The following TRIM13 variants were observed in gnomAD, a reference collection of about 807,000 sequenced individuals.
TRIM13 encodes tripartite motif containing 13.
A neutral mutation model predicts 27.1 loss-of-function variants in TRIM13; 15 were observed. The observed-to-expected ratio is 0.55, with a 90% CI of 0.37 to 0.85. The LOEUF (loss-of-function observed/expected upper bound fraction) is 0.85, where lower values mean the gene tolerates loss of function less well. TRIM13 is among the 40% of genes least tolerant of loss of function. TRIM13 has a pLI of 0.00. For synonymous variants in TRIM13, 193 were observed against 171.5 expected, an observed-to-expected ratio of 1.13 and a Z score of -0.98; for missense variants, 402 against 472.2, an observed-to-expected ratio of 0.85 and a Z score of 1.38.
At position 50,015,571 on chromosome 13, in the gene TRIM13, T is replaced by G. The variant is rs764861264; in HGVS notation, c.*2407T>G. ...CAAGGTTTTCTACGATAAAGCAGTT[T>G]CCTGCTTCTCGTTTGGCACGCATGT... On this transcript the variant is annotated 3_prime_UTR_variant, in exon 2 of 2. Coordinates refer to ENST00000378182, the MANE Select transcript of TRIM13 (RefSeq NM_213590.3). 2 of 1,614,094 alleles carry G rather than the reference T, an allele frequency of 1.2e-6. No individual in the cohort carries two copies. The highest frequency in any genetic ancestry group is 1.7e-5 in the Admixed American group (1 of 60,024).
chr13:50,015,591 G>T lies in TRIM13; in HGVS notation c.*2427G>T. 3 of 1,614,070 alleles carry T rather than the reference G, an allele frequency of 1.9e-6. No homozygotes were observed. The Admixed American group carries it at 5.0e-5, about 27-fold the overall frequency. On this transcript the variant is annotated 3_prime_UTR_variant, in exon 2 of 2. Transcript: ENST00000378182. ...CAGTTTCCTGCTTCTCGTTTGGCAC[G>T]CATGTTAGATGGCAGAGACCAAGAA... is the stretch of plus-strand genomic sequence containing the variant.
intron 1 of TRIM13, among the ~76,000 whole-genome samples, chr13:50,009,419 G>A (rs1336288160): frequency 2.0e-5 from 3 of 151,996 alleles, no homozygotes; most frequent in African/African-American, 7.2e-5. Flanking sequence ...ACCTGCCTGG[G>A]CAACATAGTG....
chr13:49,997,077 G>C lies in TRIM13; in HGVS notation c.-693G>C, dbSNP rs1378091894. On this transcript the variant is annotated 5_prime_UTR_variant, in exon 1 of 2. Transcript: ENST00000378182. ...TGGGGCTGTGCTTGGCGCGTACCGT[G>C]CGGTCCCTGTAGTTGGAGGACGGGC... 1 of 151,928 alleles carries C rather than the reference G, an allele frequency of 6.6e-6. No individual in the cohort carries two copies. The highest frequency in any genetic ancestry group is 2.4e-5 in the African/African-American group (1 of 41,318). 9.4% of individuals were successfully genotyped at this position (151,928 alleles called of 1,614,324 possible).
rs1392608028 is a variant in TRIM13, at chr13:50,015,091, AAAAATATATATATATATATATATATAT to A, written c.*1929_*1955del. On this transcript the variant is annotated 3_prime_UTR_variant, in exon 2 of 2. Coordinates refer to ENST00000378182, the MANE Select transcript of TRIM13 (RefSeq NM_213590.3). ...TCCCAGTAATAAAAAAAAAAAAAAA[AAAAATATATATATATATATATATATAT>A]ATATATATATATATATATATATATA... The A allele has an allele frequency of 2.4e-3, 70 of 29,066 alleles. 8 individuals carry two copies. The highest frequency in any genetic ancestry group is 0.017 in the Middle Eastern group (1 of 60). 1.8% of individuals were successfully genotyped at this position (29,066 alleles called of 1,614,324 possible). A position where few individuals can be genotyped will look rare whatever the true frequency, so the allele number is the denominator to read the frequency against.
In TRIM13 at chr13:50,017,148, A is replaced by G. The variant is rs1377258404; in HGVS notation, c.*3984A>G. 6.0e-6 allele frequency: 1 copy of G among 167,030 alleles called. No individual in the cohort carries two copies. The allele number at this position is 167,030 out of a possible 1,614,324, so 10.3% of individuals were successfully genotyped here. A position where few individuals can be genotyped will look rare whatever the true frequency, so the allele number is the denominator to read the frequency against. ...GAAGAAAATCTAATACCTTATCTTT[A>G]TCTCAAACCTCTGTACAACTTTATT... On this transcript the variant is annotated 3_prime_UTR_variant, in exon 2 of 2. Transcript: ENST00000378182.
At chr13:50,011,619 A>G (rs564549676) in intron 1 of TRIM13, among the ~76,000 whole-genome samples, 1 of 152,328 alleles carries the variant, frequency 6.6e-6, no homozygotes, top group East Asian at 1.9e-4. Context: ...CTCTGTTTTA[A>G]AACAATTGCT....
chr13:50,008,251 GTTA>G (rs765121814), intron 1 of TRIM13, among the ~76,000 whole-genome samples: 1 of 152,144 alleles, frequency 6.6e-6, no homozygotes, highest in Non-Finnish European at 1.5e-5. Context: ...TAAGTCATAT[GTTA>G]TTGTTGATAA....
chr13:50,016,295 G>A lies in TRIM13; in HGVS notation c.*3131G>A. The A allele has an allele frequency of 2.2e-6, 1 of 463,486 alleles. No individual in the cohort carries two copies. Among genetic ancestry groups the A allele is most frequent in the Non-Finnish European group, 4.0e-6 (1 of 253,068 alleles). 28.7% of individuals were successfully genotyped at this position (463,486 alleles called of 1,614,324 possible). On this transcript the variant is annotated 3_prime_UTR_variant, in exon 2 of 2. Coordinates refer to ENST00000378182, the MANE Select transcript of TRIM13 (RefSeq NM_213590.3). ...ATTAGGTGGGACAAAAGGAATAAAT[G>A]AAGACTGCCCAGAAAAAACTGAGAC...
At position 50,017,704 on chromosome 13, in the gene TRIM13, G is replaced by A. The variant is rs1039565792; in HGVS notation, c.*4540G>A. 1 of 166,958 alleles carries A rather than the reference G, an allele frequency of 6.0e-6. No individual in the cohort carries two copies. 10.3% of individuals were successfully genotyped at this position (166,958 alleles called of 1,614,324 possible). A position where few individuals can be genotyped will look rare whatever the true frequency, so the allele number is the denominator to read the frequency against. The stretch of plus-strand genomic sequence containing the variant: ...CCAATCTGAATACGGTGAAATTATG[G>A]GGATCTCTGGTGATTGGGATGAAAA... On this transcript the variant is annotated 3_prime_UTR_variant, in exon 2 of 2. Transcript: ENST00000378182.
chr13:50,012,037 T>G lies in TRIM13; in HGVS notation c.97T>G (p.Cys33Gly), dbSNP rs149305008. 5.6e-6 allele frequency: 9 copies of G among 1,614,006 alleles called. No homozygotes were observed. The highest frequency in any genetic ancestry group is 1.3e-5 in the African/African-American group (1 of 74,922). ...TTGCTCCCACAACTTCTGCAAAAAA[T>G]GCTTAGAAGGTATCTTAGAAGGGAG... ...LPCSHNFCKKCLEGILEGSVR... is the reference protein window; with the variant it reads ...LPCSHNFCKKGLEGILEGSVR... Residue 33 changes from cysteine (C) to glycine (G), a missense_variant, in exon 2 of 2, where the codon TGC (cysteine) becomes GGC (glycine). By Grantham distance (159) the Cys-to-Gly change is radical. Coordinates refer to ENST00000378182, the MANE Select transcript of TRIM13 (RefSeq NM_213590.3).
In TRIM13 at chr13:50,012,532, A is replaced by C; in HGVS notation, c.592A>C (p.Asn198His). Residue 198 changes from asparagine to histidine, a missense_variant, in exon 2 of 2, where the codon AAT (asparagine) becomes CAT (histidine). By Grantham distance (68) the Asn-to-His change is moderately conservative. This residue lies in a region of TRIM13 where 202 missense variants were observed against 277.5 expected (regional missense o/e 0.73). Transcript: ENST00000378182. ...ACAACACACACTGGATCAAAAGAAG[A>C]ATGAAATTCTGTCTGACTTTGAGAC... ...KLQHTLDQKK[N>H]EILSDFETMK... 6.2e-7 allele frequency: 1 copy of C among 1,614,102 alleles called. No homozygotes were observed. The highest frequency in any genetic ancestry group is 8.5e-7 in the Non-Finnish European group (1 of 1,180,004).
At chr13:50,001,737 T>G (rs1874071550) in intron 1 of TRIM13, among the ~76,000 whole-genome samples, 1 of 152,156 alleles carries the variant, frequency 6.6e-6, no homozygotes, top group Admixed American at 6.5e-5. Flanking sequence ...CTTTGTCCTG[T>G]TTTGATCATA....
chr13:50,015,531 G>A lies in TRIM13; in HGVS notation c.*2367G>A. The stretch of plus-strand genomic sequence containing the variant: ...GAACTGGTCACTTTGAATGTGGGAG[G>A]GAAGATATTCACGACAAGGTTTTCT... On this transcript the variant is annotated 3_prime_UTR_variant, in exon 2 of 2. Transcript: ENST00000378182. 1 of 1,613,774 alleles carries A rather than the reference G, an allele frequency of 6.2e-7. No homozygotes were observed.
At position 50,014,297 on chromosome 13, in the gene TRIM13, A is replaced by C. The variant is rs1198667235; in HGVS notation, c.*1133A>C. The stretch of plus-strand genomic sequence containing the variant: ...TCGAAACCAGCTTCGTAAACATAGC[A>C]AGACCCAGTCTCTACCAAAAAAAAA... On this transcript the variant is annotated 3_prime_UTR_variant, in exon 2 of 2. Transcript: ENST00000378182. 1 of 134,610 alleles carries C rather than the reference A, an allele frequency of 7.4e-6. No individual in the cohort carries two copies. The highest frequency in any genetic ancestry group is 2.9e-5 in the African/African-American group (1 of 35,070). The allele number at this position is 134,610 out of a possible 1,614,324, so 8.3% of individuals were successfully genotyped here.
chr13:50,018,463 A>C lies in TRIM13; in HGVS notation c.*5299A>C, dbSNP rs1012028475. On this transcript the variant is annotated 3_prime_UTR_variant, in exon 2 of 2. Coordinates refer to ENST00000378182, the MANE Select transcript of TRIM13 (RefSeq NM_213590.3). Reference sequence around the variant, plus strand: ...TCAAACATAATAAACTTTTTTTGAGATGTGCTTTGTAGTTTGGTAATTCTT... The same window carrying C: ...TCAAACATAATAAACTTTTTTTGAGCTGTGCTTTGTAGTTTGGTAATTCTT... 3.6e-5 allele frequency: 6 copies of C among 165,438 alleles called. No homozygotes were observed. The highest frequency in any genetic ancestry group is 7.2e-5 in the African/African-American group (3 of 41,412). 10.2% of individuals were successfully genotyped at this position (165,438 alleles called of 1,614,324 possible).
In TRIM13 at chr13:50,014,344, A is replaced by AAAAAAAAAATAT. The variant is rs1555325057; in HGVS notation, c.*1181_*1182insAAAAAAAATATA. The stretch of plus-strand genomic sequence containing the variant: ...AAAAAAAAAAAAAAAAAAAAAAAAA[A>AAAAAAAAAATAT]ATATATATATATATATACACACACA... On this transcript the variant is annotated 3_prime_UTR_variant, in exon 2 of 2. Coordinates refer to ENST00000378182, the MANE Select transcript of TRIM13 (RefSeq NM_213590.3). 4.1e-4 allele frequency: 8 copies of AAAAAAAAAATAT among 19,728 alleles called. No homozygotes were observed. The highest frequency in any genetic ancestry group is 1.1e-3 in the Admixed American group (1 of 912). The allele number at this position is 19,728 out of a possible 1,614,324, so 1.2% of individuals were successfully genotyped here.
chr13:50,004,951 C>G (rs568503705), intron 1 of TRIM13, among the ~76,000 whole-genome samples: 1 of 151,814 alleles, frequency 6.6e-6, no homozygotes, highest in East Asian at 2.0e-4. Flanking sequence ...TGGCGGGCAC[C>G]TGTAATCCCA....
At chr13:50,002,467 GTTTTACT>G (rs1168555094) in intron 1 of TRIM13, among the ~76,000 whole-genome samples, 1 of 152,036 alleles carries the variant, frequency 6.6e-6, no homozygotes. Context: ...TGTTTTCAAA[GTTTTACT>G]TTCTAAACTC....
chr13:50,002,111 T>C (rs1874111578), intron 1 of TRIM13, among the ~76,000 whole-genome samples: 1 of 152,042 alleles, frequency 6.6e-6, no homozygotes, highest in Admixed American at 6.5e-5. Flanking sequence ...AACCATAGGC[T>C]GGGCATGATG....
Sources: allele counts gnomAD v4.1 joint callset (sites outside exome capture counted in the v4.1 genomes callset), GRCh38; gene constraint gnomAD v4.1.1; regional missense constraint gnomAD v4.1.1; transcripts MANE v1.5; gene names NCBI Gene and HGNC (gene_info 2026-07-23, HGNC 2026-07-21).